Variants in NOL4 observed in about 807,000 individuals in gnomAD.
NOL4 encodes cancer/testis antigen 125.
NOL4 carries 17 observed loss-of-function variants against 75.9 expected under a neutral mutation model. That is an observed-to-expected ratio of 0.22 (90% CI 0.15 to 0.34). NOL4 has a LOEUF of 0.34. Ranked by LOEUF, NOL4 falls within the 10% of genes least tolerant of loss-of-function variation. The pLI, the probability that NOL4 is intolerant of heterozygous loss-of-function variation, is 1.00. For synonymous variants in NOL4, 292 were observed against 289.9 expected, an observed-to-expected ratio of 1.01 and a Z score of -0.07; for missense variants, 614 against 793.5, an observed-to-expected ratio of 0.77 and a Z score of 2.72.
chr18:34,187,531 C>T (rs956289243), intron 1 of NOL4, among the ~76,000 whole-genome samples: 1 of 151,992 alleles, frequency 6.6e-6, no homozygotes, highest in Non-Finnish European at 1.5e-5. Flanking sequence ...CGCCTAGAGG[C>T]GCCCGCCACC....
chr18:34,135,020 C>G (rs1158421927), intron 1 of NOL4, among the ~76,000 whole-genome samples: 2 of 152,012 alleles, frequency 1.3e-5, no homozygotes, highest in East Asian at 3.9e-4. Flanking sequence ...AAAGAGTAAA[C>G]TAAAATCGAG....
intron 5 of NOL4, among the ~76,000 whole-genome samples, chr18:34,060,327 T>G (rs2077019239): frequency 1.3e-5 from 2 of 152,162 alleles, no homozygotes; most frequent in African/African-American, 4.8e-5. Context: ...AGGATTGTGT[T>G]TACTCTTTCA....
intron 8 of NOL4, among the ~76,000 whole-genome samples, chr18:33,953,813 A>G (rs1289544286): frequency 6.6e-6 from 1 of 152,192 alleles, no homozygotes; most frequent in Non-Finnish European, 1.5e-5. Context: ...TGAGAATAGG[A>G]CACTGTACAC....
chr18:34,208,653 T>C (rs2146539856), intron 1 of NOL4, among the ~76,000 whole-genome samples: 1 of 151,916 alleles, frequency 6.6e-6, no homozygotes, highest in South Asian at 2.1e-4. Flanking sequence ...GGTCAGGAGT[T>C]CTAGACCAGC....
At chr18:33,967,392 T>C (rs2070692046) in intron 6 of NOL4, among the ~76,000 whole-genome samples, 1 of 152,262 alleles carries the variant, frequency 6.6e-6, no homozygotes, top group Admixed American at 6.5e-5. Flanking sequence ...GAGATACTCT[T>C]GTGGACATCA....
intron 1 of NOL4, among the ~76,000 whole-genome samples, chr18:34,178,046 A>AT (rs1568423150): frequency 6.6e-6 from 1 of 151,884 alleles, no homozygotes; most frequent in East Asian, 1.9e-4. Flanking sequence ...TAATTCAATC[A>AT]TTATAACCTT....
At chr18:33,872,453 G>A (rs1251955780) in intron 10 of NOL4, among the ~76,000 whole-genome samples, 2 of 151,914 alleles carry the variant, frequency 1.3e-5, no homozygotes, top group African/African-American at 4.8e-5. Context: ...GTTGTTCATT[G>A]ACCCCATTTA....
At chr18:34,028,480 C>T (rs2075462827) in intron 5 of NOL4, among the ~76,000 whole-genome samples, 1 of 152,224 alleles carries the variant, frequency 6.6e-6, no homozygotes. Flanking sequence ...CAACAGCCTA[C>T]TGCATTGATA....
intron 8 of NOL4, among the ~76,000 whole-genome samples, chr18:33,954,194 T>C (rs994831811): frequency 6.6e-6 from 1 of 152,142 alleles, no homozygotes. Flanking sequence ...ACAATGTAAA[T>C]GACATGTAAA....
intron 5 of NOL4, chr18:34,048,546 C>T (rs1600392129): frequency 1.0e-5 from 10 of 985,302 alleles, no homozygotes; most frequent in African/African-American, 1.7e-5. Context: ...TCGAAGTGCA[C>T]CCAGGGATTA....
intron 9 of NOL4, among the ~76,000 whole-genome samples, chr18:33,895,015 A>C (rs1242275300): frequency 6.6e-6 from 1 of 152,152 alleles, no homozygotes; most frequent in Non-Finnish European, 1.5e-5. Context: ...GAAGTGATAG[A>C]TATGTCAATT....
chr18:34,044,781 C>T (rs908033448), intron 5 of NOL4, among the ~76,000 whole-genome samples: 2 of 152,108 alleles, frequency 1.3e-5, no homozygotes, highest in Non-Finnish European at 2.9e-5. Flanking sequence ...CTCCCATTAC[C>T]GCCACTACTC....
At chr18:34,139,400 T>C (rs923727931) in intron 1 of NOL4, among the ~76,000 whole-genome samples, 3 of 152,198 alleles carry the variant, frequency 2.0e-5, no homozygotes. Context: ...CCTGGTTTAG[T>C]CTTGGGAGGG....
chr18:33,896,131 A>ACTT (rs1029470966), intron 9 of NOL4, among the ~76,000 whole-genome samples: 4 of 152,228 alleles, frequency 2.6e-5, no homozygotes, highest in Admixed American at 2.0e-4. Context: ...ATTACAAAAC[A>ACTT]CTTCTCACAG....
intron 6 of NOL4, 99 bp downstream of exon 6, chr18:34,019,219 A>G: frequency 2.0e-6 from 2 of 992,108 alleles, no homozygotes; most frequent in Admixed American, 5.0e-5. Context: ...TGTTTATAAT[A>G]TTTTTATTAA....
intron 6 of NOL4, among the ~76,000 whole-genome samples, chr18:33,990,139 T>C (rs1243585076): frequency 3.3e-5 from 5 of 152,064 alleles, no homozygotes; most frequent in African/African-American, 1.2e-4. Flanking sequence ...AAATAAGGTA[T>C]TGTAATTGTG....
chr18:34,097,935 A>G (rs1320909075), intron 4 of NOL4, among the ~76,000 whole-genome samples: 1 of 152,232 alleles, frequency 6.6e-6, no homozygotes, highest in Non-Finnish European at 1.5e-5. Flanking sequence ...GTTTATAAGA[A>G]GGTCAAATGA....
intron 9 of NOL4, among the ~76,000 whole-genome samples, chr18:33,925,274 T>C (rs1424066132): frequency 1.3e-5 from 2 of 152,170 alleles, no homozygotes; most frequent in African/African-American, 4.8e-5. Flanking sequence ...ATCTGGTTTT[T>C]GAAATAGTTT....
At chr18:34,101,904 ACT>A (rs1481990114) in intron 4 of NOL4, among the ~76,000 whole-genome samples, 2 of 151,774 alleles carry the variant, frequency 1.3e-5, no homozygotes, top group Admixed American at 6.6e-5. Context: ...AAAATGTAAG[ACT>A]CTATATAACT....
Sources: allele counts gnomAD v4.1 joint callset (sites outside exome capture counted in the v4.1 genomes callset), GRCh38; gene constraint gnomAD v4.1.1; transcripts MANE v1.5; gene names NCBI Gene and HGNC (gene_info 2026-07-23, HGNC 2026-07-21).